TRPV3: variants seen among roughly 807,000 people sequenced by gnomAD.
The protein encoded by TRPV3 is transient receptor potential cation channel subfamily V member 3.
In TRPV3, 88 loss-of-function variants were observed where a neutral mutation model predicts 87.1. The ratio of observed to expected loss-of-function variants is 1.01; its 90% CI spans 0.85 to 1.21. The LOEUF (loss-of-function observed/expected upper bound fraction) is 1.21. Among genes scored for constraint, TRPV3 ranks in the 50% most tolerant of loss-of-function variants. TRPV3 has a pLI of 0.00. For synonymous variants in TRPV3, 438 were observed against 423.3 expected (o/e 1.03, Z -0.43); for missense variants, 1,054 against 1,030.1 (o/e 1.02, Z -0.32).
chr17:3,553,856 C>T (rs1427902437), intron 2 of TRPV3: 1 of 152,544 alleles, frequency 6.6e-6, no homozygotes, highest in Non-Finnish European at 1.5e-5. Flanking sequence ...GCACCAAGCT[C>T]AGCCCTGGCC....
Position 3,522,358 on chromosome 17 carries a change from C to A in TRPV3, c.1744-1319G>T, listed in dbSNP as rs560801282. 7.9e-5 allele frequency among the ~76,000 whole-genome samples: 12 copies of A among 152,274 alleles called. No homozygotes were observed. The South Asian group carries it at 2.1e-3, about 26-fold the overall frequency. ...ATTTCACTTTCTGCAGTTTTGGTTG[C>A]CTGTGGTCAACTATGACCCAGAAAT... On this transcript the variant is annotated intron_variant, in intron 13 of 17. Transcript: ENST00000576742.
chr17:3,522,947 C>CATATTATAT (rs2074261429), intron 13 of TRPV3, among the ~76,000 whole-genome samples: 2 of 151,898 alleles, frequency 1.3e-5, no homozygotes, highest in African/African-American at 4.8e-5. Context: ...AAAAACATAG[C>CATATTATAT]ATATTATATA....
chr17:3,524,450 C>T lies in TRPV3; in HGVS notation c.1578-87G>A, dbSNP rs146343024. 249 of 1,527,444 alleles carry T rather than the reference C, an allele frequency of 1.6e-4. No homozygotes were observed. In the African/African-American group the frequency reaches 2.8e-3, roughly 17 times the overall value. The allele number at this position is 1,527,444 out of a possible 1,614,324, so 94.6% of individuals were successfully genotyped here. ...GCAAATCCCCCAAACCTCCCTTAAACCCCCTGAACAGTCACCCCGGTGACG... is the reference window on the plus strand; with the variant it reads ...GCAAATCCCCCAAACCTCCCTTAAATCCCCTGAACAGTCACCCCGGTGACG... On this transcript the variant is annotated intron_variant, in intron 12 of 17. Coordinates refer to ENST00000576742, the MANE Select transcript of TRPV3 (RefSeq NM_145068.4).
rs1335843555 is a variant in TRPV3 at position 3,532,708 on chromosome 17, G to A, written c.1014C>T (p.Asn338=). ...GCTGCAGCGGCGTGAGGCCATCGTT[G>A]TTGCGAGTGGTCTCCAGCTCCCAGT... The part of the protein sequence containing the change: ...SGNWELETTR[N]NDGLTPLQLA... Residue 338 remains asparagine (N), a synonymous_variant, in exon 8 of 18, where the codon AAC becomes AAT. Transcript: ENST00000576742. The A allele has an allele frequency of 6.2e-7, 1 of 1,614,256 alleles. No individual in the cohort carries two copies. Among genetic ancestry groups the A allele is most frequent in the Non-Finnish European group, 8.5e-7 (1 of 1,180,046 alleles).
intron 3 of TRPV3, among the ~76,000 whole-genome samples, 183 bp from the exon 4 acceptor site, chr17:3,544,848 T>C (rs1018244650): frequency 1.3e-5 from 2 of 152,050 alleles, no homozygotes; most frequent in African/African-American, 4.8e-5. Context: ...AAATTGTCTC[T>C]ACTAAAAATA....
intron 6 of TRPV3, among the ~76,000 whole-genome samples, chr17:3,540,060 A>AAAATAAAT (rs369472913): frequency 0.053 from 7,701 of 145,582 alleles, 695 homozygotes; most frequent in African/African-American, 0.18. Flanking sequence ...TCCATCTCAA[A>AAAATAAAT]AAATAAATAA....
At chr17:3,525,653 T>A (rs933272617) in intron 12 of TRPV3, among the ~76,000 whole-genome samples, 14 of 150,976 alleles carry the variant, frequency 9.3e-5, no homozygotes, top group African/African-American at 3.4e-4. Flanking sequence ...GTAGTCTCAC[T>A]CTGTCGCCCA....
intron 15 of TRPV3, among the ~76,000 whole-genome samples, chr17:3,517,093 C>T (rs1294435745): frequency 6.6e-6 from 1 of 151,488 alleles, no homozygotes; most frequent in Non-Finnish European, 1.5e-5. Context: ...TGCAGTGAGC[C>T]GAGATCCCAC....
At chr17:3,536,607 C>CA (rs986858549) in intron 6 of TRPV3, among the ~76,000 whole-genome samples, 10 of 151,660 alleles carry the variant, frequency 6.6e-5, no homozygotes, top group African/African-American at 2.2e-4. Context: ...AACAAACAAA[C>CA]AAAAAAATGA....
chr17:3,516,714 A>G, intron 15 of TRPV3, 145 bp from the exon 16 acceptor site: 2 of 662,572 alleles, frequency 3.0e-6, no homozygotes, highest in Non-Finnish European at 5.4e-6. Context: ...CAGAATTCAA[A>G]GACAAAAAAG....
intron 12 of TRPV3, 63 bp from the exon 13 acceptor site, chr17:3,524,426 C>G (rs2074276652): frequency 6.3e-7 from 1 of 1,589,078 alleles, no homozygotes; most frequent in Admixed American, 1.7e-5. Flanking sequence ...CAAAGATATG[C>G]AAATCCCCCA....
chr17:3,529,680 G>A (rs945236271), intron 9 of TRPV3, among the ~76,000 whole-genome samples: 2 of 152,044 alleles, frequency 1.3e-5, no homozygotes, highest in Admixed American at 6.6e-5. Flanking sequence ...ACACCAACGG[G>A]GGGTGGGAGA....
chr17:3,522,119 C>A (rs1192755732), intron 13 of TRPV3, among the ~76,000 whole-genome samples: 1 of 152,084 alleles, frequency 6.6e-6, no homozygotes, highest in East Asian at 1.9e-4. Context: ...AAAACAAAGA[C>A]AATAAATGTT....
In TRPV3 at chr17:3,518,139, A is replaced by G. The variant is rs907581108; in HGVS notation, c.2085+437T>C. Among the ~76,000 whole-genome samples the G allele has an allele frequency of 6.6e-6, 1 of 152,070 alleles. No individual in the cohort carries two copies. The highest frequency in any genetic ancestry group is 1.5e-5 in the Non-Finnish European group (1 of 68,022). ...CGGCCGCCAACCACCATTTCTTAAG[A>G]GGCAGTCTCCAGTCCTCTCCCAAAC... On this transcript the variant is annotated intron_variant, in intron 15 of 17. Transcript: ENST00000576742. The surrounding 1 kb of genome is among the most constrained non-coding windows in gnomAD (Gnocchi z 4.3).
At chr17:3,549,864 GATA>G (rs766191855) in intron 2 of TRPV3, among the ~76,000 whole-genome samples, 35 of 151,444 alleles carry the variant, frequency 2.3e-4, no homozygotes, top group Middle Eastern at 3.4e-3. Flanking sequence ...ATAAATGACA[GATA>G]TATGTATGTA....
rs537379430 is a variant in TRPV3 at position 3,529,632 on chromosome 17, A to G, written c.1242+395T>C. Among the ~76,000 whole-genome samples the G allele has an allele frequency of 1.3e-3, 198 of 152,246 alleles. 3 individuals carry two copies. Among genetic ancestry groups the G allele is most frequent in the South Asian group, 3.9e-3 (19 of 4,826 alleles). On this transcript the variant is annotated intron_variant, in intron 9 of 17. Transcript: ENST00000576742. Reference sequence around the variant, plus strand: ...CACTCTCTGACCCTCATTTGGGACCAGGTTTTGGGGAAGAAAGAATTCTAA... The same window carrying G: ...CACTCTCTGACCCTCATTTGGGACCGGGTTTTGGGGAAGAAAGAATTCTAA...
rs566762497 is a variant in TRPV3 at position 3,530,507 on chromosome 17, G to A, written c.1066-304C>T. ...AATGCCTCACGCCAGCTGGGGACCC[G>A]GTTCGGTGAAAAATCCAGGCACTGA... On this transcript the variant is annotated intron_variant, in intron 8 of 17. Coordinates refer to ENST00000576742, the MANE Select transcript of TRPV3 (RefSeq NM_145068.4). The surrounding 1 kb of genome is among the most constrained non-coding windows in gnomAD (Gnocchi z 4.0). 1.2e-4 allele frequency among the ~76,000 whole-genome samples: 19 copies of A among 152,170 alleles called. No individual in the cohort carries two copies. The highest frequency in any genetic ancestry group is 1.9e-4 in the Non-Finnish European group (13 of 68,036).
chr17:3,529,864 G>T (rs980595861), intron 9 of TRPV3, among the ~76,000 whole-genome samples, 163 bp downstream of exon 9: 1 of 141,400 alleles, frequency 7.1e-6, no homozygotes, highest in Non-Finnish European at 1.5e-5. Flanking sequence ...CCCAGGCCTC[G>T]CCTTTTCTGT....
chr17:3,521,153 G>C (rs1357651967), intron 13 of TRPV3, 114 bp from the exon 14 acceptor site: 2 of 477,020 alleles, frequency 4.2e-6, no homozygotes, highest in Non-Finnish European at 7.7e-6. Context: ...TCTTCACTTG[G>C]GCCACTCTCC....
Sources: allele counts gnomAD v4.1 joint callset (sites outside exome capture counted in the v4.1 genomes callset), GRCh38; gene constraint gnomAD v4.1.1; non-coding constraint Gnocchi (gnomAD v3.1); transcripts MANE v1.5; gene names NCBI Gene and HGNC (gene_info 2026-07-23, HGNC 2026-07-21).